The following TBL1X variants were observed in gnomAD, a reference collection of about 807,000 sequenced individuals.
TBL1X encodes the protein transducin beta like 1 X-linked.
A neutral mutation model predicts 50.7 loss-of-function variants in TBL1X; 10 were observed. That is an observed-to-expected ratio of 0.20 (90% CI 0.12 to 0.33). The LOEUF (loss-of-function observed/expected upper bound fraction) is 0.33. Among genes scored for constraint, TBL1X ranks in the 10% least tolerant of loss-of-function variants. TBL1X has a pLI of 1.00. For synonymous variants in TBL1X, 190 were observed against 214.7 expected (o/e 0.88, Z 1.01); for missense variants, 340 against 504.4 (o/e 0.67, Z 3.12).
At chrX:9,622,031 G>A (rs1007582076) in intron 2 of TBL1X, among the ~76,000 whole-genome samples, 1 of 111,259 alleles carries the variant, frequency 9.0e-6, no homozygotes, top group Non-Finnish European at 1.9e-5. Flanking sequence ...TAACTTGCTA[G>A]TTTGAAAACA....
intron 2 of TBL1X, among the ~76,000 whole-genome samples, chrX:9,515,884 G>A (rs956803065): frequency 3.6e-5 from 4 of 111,565 alleles, no homozygotes; most frequent in African/African-American, 1.3e-4. Context: ...CACTGCTAAA[G>A]GGTACAGGGT....
intron 2 of TBL1X, among the ~76,000 whole-genome samples, chrX:9,550,682 G>C (rs756108948): frequency 1.9e-4 from 21 of 112,236 alleles, no homozygotes; most frequent in Admixed American, 1.2e-3. Flanking sequence ...TTCCAAAGAA[G>C]ATAATTCTGA....
chrX:9,520,188 A>G (rs775226992), intron 2 of TBL1X, among the ~76,000 whole-genome samples: 1 of 112,276 alleles, frequency 8.9e-6, no homozygotes, highest in Non-Finnish European at 1.9e-5. Context: ...ACAAACTGGA[A>G]TATGTGCATG....
chrX:9,622,667 G>GT (rs2082673488), intron 2 of TBL1X, among the ~76,000 whole-genome samples: 1 of 110,943 alleles, frequency 9.0e-6, no homozygotes, highest in African/African-American at 3.3e-5. Context: ...TTCTTTGTTT[G>GT]TTTTTTGTAT....
chrX:9,470,613 G>A (rs1422612977), intron 1 of TBL1X, among the ~76,000 whole-genome samples: 4 of 111,799 alleles, frequency 3.6e-5, no homozygotes, highest in African/African-American at 1.3e-4. Context: ...GTTTCAGATG[G>A]GACATTTTCT....
chrX:9,530,147 A>G (rs1426591587), intron 2 of TBL1X, among the ~76,000 whole-genome samples: 1 of 111,864 alleles, frequency 8.9e-6, no homozygotes, highest in Non-Finnish European at 1.9e-5. Flanking sequence ...GAGCCCTGTT[A>G]TTGTTGATGT....
intron 1 of TBL1X, among the ~76,000 whole-genome samples, chrX:9,492,864 T>TA (rs1222095143): frequency 8.9e-5 from 4 of 45,005 alleles, no homozygotes; most frequent in African/African-American, 2.9e-4. Context: ...TGTGTGTGTG[T>TA]GTGTGTGTGT....
intron 1 of TBL1X, among the ~76,000 whole-genome samples, chrX:9,492,936 A>ATGTGC (rs1176533907): frequency 2.0e-5 from 2 of 100,139 alleles, no homozygotes; most frequent in Admixed American, 1.1e-4. Context: ...CCATTTGGGA[A>ATGTGC]TGTGCTGGAA....
chrX:9,585,275 T>A (rs1230962500), intron 2 of TBL1X, among the ~76,000 whole-genome samples: 1 of 109,788 alleles, frequency 9.1e-6, no homozygotes, highest in Non-Finnish European at 1.9e-5. Context: ...GATGCAACTT[T>A]TAATACATGG....
At chrX:9,698,476 C>A (rs1353208498) in intron 12 of TBL1X, among the ~76,000 whole-genome samples, 1 of 112,029 alleles carries the variant, frequency 8.9e-6, no homozygotes, top group Non-Finnish European at 1.9e-5. Flanking sequence ...AGTGGACTCT[C>A]ACAGGCCATG....
chrX:9,702,655 G>A (rs943862747), intron 12 of TBL1X, among the ~76,000 whole-genome samples: 4 of 109,691 alleles, frequency 3.6e-5, no homozygotes, highest in African/African-American at 1.3e-4. Context: ...TATATTGGTC[G>A]ATTGGTAAGG....
At chrX:9,615,227 C>T (rs1308753068) in intron 2 of TBL1X, among the ~76,000 whole-genome samples, 1 of 112,094 alleles carries the variant, frequency 8.9e-6, no homozygotes, top group Non-Finnish European at 1.9e-5. Flanking sequence ...GATAAATCAA[C>T]AGGTAGCTGA....
intron 1 of TBL1X, among the ~76,000 whole-genome samples, chrX:9,485,485 C>CA (rs1295638590): frequency 1.8e-5 from 2 of 111,732 alleles, no homozygotes; most frequent in Non-Finnish European, 1.9e-5. Flanking sequence ...GTAGGTGAGG[C>CA]AGGTTTTGAT....
chrX:9,563,693 A>T (rs1324090852), intron 2 of TBL1X, among the ~76,000 whole-genome samples: 1 of 112,674 alleles, frequency 8.9e-6, no homozygotes, highest in East Asian at 2.8e-4. Context: ...CAGTAGCCAC[A>T]TGTGGCCAGT....
chrX:9,475,457 G>A (rs780508160), intron 1 of TBL1X, among the ~76,000 whole-genome samples: 1 of 110,113 alleles, frequency 9.1e-6, no homozygotes, highest in African/African-American at 3.3e-5. Context: ...TGTTGGCCAG[G>A]CTGGTTTCGA....
chrX:9,471,709 C>T (rs1013606063), intron 1 of TBL1X, among the ~76,000 whole-genome samples: 1 of 111,885 alleles, frequency 8.9e-6, no homozygotes, highest in African/African-American at 3.3e-5. Context: ...CCAGGAGACC[C>T]TGTGAAAGAA....
At chrX:9,596,147 G>A (rs998902943) in intron 2 of TBL1X, among the ~76,000 whole-genome samples, 1 of 112,257 alleles carries the variant, frequency 8.9e-6, no homozygotes, top group East Asian at 2.8e-4. Context: ...CCAAACTGTT[G>A]TATTAGCCAG....
chrX:9,556,256 A>T (rs953082257), intron 2 of TBL1X, among the ~76,000 whole-genome samples: 1 of 110,890 alleles, frequency 9.0e-6, no homozygotes, highest in Non-Finnish European at 1.9e-5. Flanking sequence ...TGTTCTGAAT[A>T]TAGTATGATG....
At chrX:9,487,405 G>A (rs778780201) in intron 1 of TBL1X, among the ~76,000 whole-genome samples, 5 of 110,929 alleles carry the variant, frequency 4.5e-5, no homozygotes, top group Non-Finnish European at 9.4e-5. Context: ...CATGTGATGT[G>A]TGACCTTTTG....
Sources: allele counts gnomAD v4.1 joint callset (sites outside exome capture counted in the v4.1 genomes callset), GRCh38; gene constraint gnomAD v4.1.1; transcripts MANE v1.5; gene names NCBI Gene and HGNC (gene_info 2026-07-23, HGNC 2026-07-21).